EIF5B: variants seen among roughly 807,000 people sequenced by gnomAD.
EIF5B encodes eukaryotic translation initiation factor 5B, also known as eIF-5B.
In EIF5B, 47 loss-of-function variants were observed where a neutral mutation model predicts 147.5. The ratio of observed to expected loss-of-function variants is 0.32; its 90% confidence interval spans 0.25 to 0.41. The LOEUF is 0.41. Among genes scored for constraint, EIF5B ranks in the 10% least tolerant of loss-of-function variants. The pLI is 1.00. For synonymous variants in EIF5B, 455 were observed against 456.2 expected (o/e 1.00, Z 0.03); for missense variants, 1,064 against 1,413.2 (o/e 0.75, Z 3.96).
intron 14 of EIF5B, among the ~76,000 whole-genome samples, chr2:99,386,349 G>A (rs1674805489): frequency 6.6e-6 from 1 of 152,132 alleles, no homozygotes; most frequent in Admixed American, 6.5e-5. Flanking sequence ...TTATTGTTGA[G>A]TTTTAAGAGT....
At chr2:99,386,695 G>T (rs1674816344) in intron 14 of EIF5B, among the ~76,000 whole-genome samples, 1 of 149,606 alleles carries the variant, frequency 6.7e-6, no homozygotes, top group South Asian at 2.1e-4. Flanking sequence ...ACCCGGTTAG[G>T]GTTGTTTTTT....
At position 99,400,292 on chromosome 2, in the gene EIF5B, T is replaced by C. The variant is rs1489543529; in HGVS notation, c.*878T>C. 1 of 152,252 alleles carries C rather than the reference T, an allele frequency of 6.6e-6. No individual in the cohort carries two copies. Among genetic ancestry groups the C allele is most frequent in the Non-Finnish European group, 1.5e-5 (1 of 68,048 alleles). The allele number at this position is 152,252 out of a possible 1,614,324, so 9.4% of individuals were successfully genotyped here. A position where few individuals can be genotyped will look rare whatever the true frequency, so the allele number is the denominator to read the frequency against. ...CTTGATCTGTTTTAATCTTGATCTG[T>C]TTTGTCCTAGAAAATTCCATCATAC... On this transcript the variant is annotated 3_prime_UTR_variant, in exon 24 of 24. Transcript: ENST00000289371.
chr2:99,343,965 C>CTGGA (rs1296944824), intron 1 of EIF5B, among the ~76,000 whole-genome samples: 4 of 151,440 alleles, frequency 2.6e-5, no homozygotes, highest in Admixed American at 2.6e-4. Flanking sequence ...GTCGCCTAGG[C>CTGGA]TGGAGTGCAG....
intron 1 of EIF5B, among the ~76,000 whole-genome samples, chr2:99,348,843 A>G (rs964155843): frequency 2.6e-5 from 4 of 152,226 alleles, no homozygotes; most frequent in Admixed American, 1.3e-4. Context: ...GTCCATTACT[A>G]TAGGTCCTGG....
At chr2:99,349,479 A>G (rs1284681031) in intron 1 of EIF5B, among the ~76,000 whole-genome samples, 1 of 152,186 alleles carries the variant, frequency 6.6e-6, no homozygotes, top group African/African-American at 2.4e-5. Context: ...TGCAGTGAAC[A>G]ATTTTTTGTA....
Position 99,400,280 on chromosome 2 carries a change from A to AATC in EIF5B, c.*867_*869dup, listed in dbSNP as rs1675200100. The AATC allele has an allele frequency of 6.6e-6, 1 of 151,008 alleles. No individual in the cohort carries two copies. Among genetic ancestry groups the AATC allele is most frequent in the Non-Finnish European group, 1.5e-5 (1 of 68,024 alleles). The allele number at this position is 151,008 out of a possible 1,614,324, so 9.4% of individuals were successfully genotyped here. ...TTATACATTAATCTTGATCTGTTTT[A>AATC]ATCTTGATCTGTTTTGTCCTAGAAA... On this transcript the variant is annotated 3_prime_UTR_variant, in exon 24 of 24. Transcript: ENST00000289371.
At position 99,337,489 on chromosome 2, in the gene EIF5B, C is replaced by G. The variant is rs1343215920; in HGVS notation, c.-66C>G. The G allele has an allele frequency of 4.5e-5, 71 of 1,582,174 alleles. No individual in the cohort carries two copies. Among genetic ancestry groups the G allele is most frequent in the Non-Finnish European group, 6.0e-5 (70 of 1,163,676 alleles). On this transcript the variant is annotated 5_prime_UTR_variant, in exon 1 of 24. Coordinates refer to ENST00000289371, the MANE Select transcript of EIF5B (RefSeq NM_015904.4). Reference sequence around the variant, plus strand: ...GAGCTGAGCGGAGACCAAAGTCAGCCGGGAGACAGTGGGTCTGTGAGAGAC... The same window carrying G: ...GAGCTGAGCGGAGACCAAAGTCAGCGGGGAGACAGTGGGTCTGTGAGAGAC...
Position 99,398,887 on chromosome 2 carries a change from C to T in EIF5B, c.3533C>T (p.Ala1178Val). Residue 1178 changes from alanine to valine, a missense_variant, in exon 23 of 24, where the codon GCT becomes GTT. Around this residue, in one of 4 missense-constraint regions of EIF5B, gnomAD observed 380 missense variants for 715.6 expected, o/e 0.53. Transcript: ENST00000289371. Reference sequence around the variant, plus strand: ...AAAATGTTTGGAAGACATTTTGAAGCTACAGATATTCTTGTTAGTAAGGTA... The same window carrying T: ...AAAATGTTTGGAAGACATTTTGAAGTTACAGATATTCTTGTTAGTAAGGTA... ...SPKMFGRHFEATDILVSKISR... is the reference protein window; with the variant it reads ...SPKMFGRHFEVTDILVSKISR... The T allele has an allele frequency of 6.2e-7, 1 of 1,613,226 alleles. No individual in the cohort carries two copies. Among genetic ancestry groups the T allele is most frequent in the Non-Finnish European group, 8.5e-7 (1 of 1,179,820 alleles).
At position 99,383,064 on chromosome 2, in the gene EIF5B, G is replaced by A. The variant is rs1574936692; in HGVS notation, c.2271+143G>A. On this transcript the variant is annotated intron_variant, in intron 14 of 23. Transcript: ENST00000289371. ...TGTGCTTCACAGATATTGTGTGTGTGTGTGTATTTGTGTATAGTTTTTTTT... is the reference window on the plus strand; with the variant it reads ...TGTGCTTCACAGATATTGTGTGTGTATGTGTATTTGTGTATAGTTTTTTTT... 3.6e-6 allele frequency: 3 copies of A among 833,644 alleles called. No individual in the cohort carries two copies. The East Asian group carries it at 9.8e-5, about 27-fold the overall frequency. 51.6% of individuals were successfully genotyped at this position (833,644 alleles called of 1,614,324 possible). A position where few individuals can be genotyped will look rare whatever the true frequency, so the allele number is the denominator to read the frequency against.
intron 6 of EIF5B, 111 bp from the exon 7 acceptor site, chr2:99,368,382 A>G (rs1674372569): frequency 3.9e-6 from 3 of 761,664 alleles, no homozygotes; most frequent in Admixed American, 2.8e-5. Context: ...ATATCCTTTC[A>G]TATTTTAGGG....
intron 1 of EIF5B, chr2:99,338,263 A>C: frequency 8.0e-7 from 1 of 1,257,664 alleles, no homozygotes; most frequent in Non-Finnish European, 1.0e-6. Flanking sequence ...GCTCCTTTCT[A>C]ACCACCTGCA....
At chr2:99,338,046 G>A (rs1211664089) in intron 1 of EIF5B, among the ~76,000 whole-genome samples, 1 of 152,244 alleles carries the variant, frequency 6.6e-6, no homozygotes. Context: ...TTTCAGGTAC[G>A]TTAGAGTTAT....
intron 13 of EIF5B, among the ~76,000 whole-genome samples, 161 bp downstream of exon 13, chr2:99,382,387 GT>G (rs375641008): frequency 6.6e-6 from 1 of 152,082 alleles, no homozygotes; most frequent in Non-Finnish European, 1.5e-5. Context: ...TTGAATACTT[GT>G]TTTTTATAGA....
intron 8 of EIF5B, 47 bp from the exon 9 acceptor site, chr2:99,371,609 T>C: frequency 3.2e-6 from 5 of 1,550,658 alleles, no homozygotes; most frequent in Non-Finnish European, 3.5e-6. Flanking sequence ...AAGACCTTCA[T>C]ATTTCTAAAT....
chr2:99,394,647 T>C, intron 20 of EIF5B, 62 bp downstream of exon 20: 2 of 1,611,622 alleles, frequency 1.2e-6, no homozygotes, highest in Non-Finnish European at 1.7e-6. Context: ...AACTGTCCTA[T>C]CTTAAAAAAC....
intron 14 of EIF5B, among the ~76,000 whole-genome samples, chr2:99,385,744 G>A (rs1674791448): frequency 6.6e-6 from 1 of 152,184 alleles, no homozygotes. Context: ...GTATCTCTGA[G>A]TTACGCATGT....
At position 99,364,458 on chromosome 2, in the gene EIF5B, G is replaced by T. The variant is rs113867204; in HGVS notation, c.1288+37G>T. ...TCTTCATTAACTGAATGGTCAGAGA[G>T]CTCTGCACATGCAGTTATATCCCTT... On this transcript the variant is annotated intron_variant, in intron 6 of 23. Transcript: ENST00000289371. The T allele has an allele frequency of 4.1e-4, 627 of 1,534,450 alleles. 5 individuals carry two copies. The African/African-American group carries it at 8.0e-3, about 20-fold the overall frequency.
chr2:99,394,641 G>T, intron 20 of EIF5B, 56 bp downstream of exon 20: 1 of 1,611,640 alleles, frequency 6.2e-7, no homozygotes. Context: ...TCTTAAAACT[G>T]TCCTATCTTA....
At chr2:99,362,646 C>T (rs940203592) in intron 4 of EIF5B, among the ~76,000 whole-genome samples, 2 of 151,982 alleles carry the variant, frequency 1.3e-5, no homozygotes, top group Non-Finnish European at 2.9e-5. Flanking sequence ...TTGCAGTGAG[C>T]GGAGATCGCA....
Sources: allele counts gnomAD v4.1 joint callset (sites outside exome capture counted in the v4.1 genomes callset), GRCh38; gene constraint gnomAD v4.1.1; regional missense constraint gnomAD v4.1.1; transcripts MANE v1.5; gene names NCBI Gene and HGNC (gene_info 2026-07-23, HGNC 2026-07-21).